Variants in CD5L observed in about 807,000 individuals in gnomAD.
The protein encoded by CD5L is CD5 molecule like, also known as CD5 antigen-like.
In CD5L, 39 loss-of-function variants were observed where a neutral mutation model predicts 40.8. That is an observed-to-expected ratio of 0.96 (90% CI 0.74 to 1.25). The LOEUF is 1.25. CD5L is among the 50% of genes most tolerant of loss of function. The pLI is 0.00. For missense variants in CD5L, 433 were observed against 435.9 expected (o/e 0.99, Z 0.06); for synonymous variants, 192 against 169.6 (o/e 1.13, Z -1.03).
intron 1 of CD5L, 39 bp downstream of exon 1, chr1:157,841,635 A>G (rs777960935): frequency 6.3e-7 from 1 of 1,598,778 alleles, no homozygotes; most frequent in Admixed American, 1.7e-5. Context: ...AGTGCCAGAA[A>G]ACTCTGAAGC....
chr1:157,835,445 G>C (rs1308719223), intron 3 of CD5L, among the ~76,000 whole-genome samples: 2 of 152,118 alleles, frequency 1.3e-5, no homozygotes, highest in East Asian at 1.9e-4. Flanking sequence ...ATAAACTCCT[G>C]GAAAACTGAA....
At chr1:157,836,194 A>T in intron 2 of CD5L, 39 bp from the exon 3 acceptor site, 1 of 1,557,728 alleles carries the variant, frequency 6.4e-7, no homozygotes, top group Non-Finnish European at 8.7e-7. Flanking sequence ...GCCTGAGAGG[A>T]GCTCAGAGGG....
At chr1:157,840,802 G>A (rs1047499007) in intron 1 of CD5L, among the ~76,000 whole-genome samples, 5 of 152,178 alleles carry the variant, frequency 3.3e-5, no homozygotes, top group Non-Finnish European at 7.3e-5. Context: ...ACATGAGCCT[G>A]GAAGACCCAG....
Position 157,831,489 on chromosome 1 carries a change from A to C in CD5L, c.*475T>G. Reference sequence around the variant, plus strand: ...CAAAAGAATTCTAAACTTTCCCCCAAGTTGCAAGAAATTGTCTACCCACAT... The same window carrying C: ...CAAAAGAATTCTAAACTTTCCCCCACGTTGCAAGAAATTGTCTACCCACAT... On this transcript the variant is annotated 3_prime_UTR_variant, in exon 6 of 6. Transcript: ENST00000368174. 1.0e-6 allele frequency: 1 copy of C among 986,570 alleles called. No individual in the cohort carries two copies. The highest frequency in any genetic ancestry group is 4.7e-5 in the South Asian group (1 of 21,290). 61.1% of individuals were successfully genotyped at this position (986,570 alleles called of 1,614,324 possible).
In CD5L at chr1:157,831,337, C is replaced by A; in HGVS notation, c.*627G>T. ...CATTTTTTACACGTCATGAAAAGGT[C>A]TAGGATTATAGGACGCTGCTCTGCT... is the stretch of plus-strand genomic sequence containing the variant. On this transcript the variant is annotated 3_prime_UTR_variant, in exon 6 of 6. Coordinates refer to ENST00000368174, the MANE Select transcript of CD5L (RefSeq NM_005894.3). The A allele has an allele frequency of 1.0e-6, 1 of 985,076 alleles. No individual in the cohort carries two copies. Among genetic ancestry groups the A allele is most frequent in the Non-Finnish European group, 1.2e-6 (1 of 829,894 alleles). 61.0% of individuals were successfully genotyped at this position (985,076 alleles called of 1,614,324 possible).
At chr1:157,827,423 G>A (rs994804891), downstream of CD5L, among the ~76,000 whole-genome samples, 1 of 152,072 alleles carries the variant, frequency 6.6e-6, no homozygotes, top group African/African-American at 2.4e-5. Flanking sequence ...TATGTCTGAT[G>A]GCCTGAGAAC....
chr1:157,836,836 CAG>C (rs1466591008), intron 2 of CD5L, among the ~76,000 whole-genome samples: 1 of 152,182 alleles, frequency 6.6e-6, no homozygotes, highest in African/African-American at 2.4e-5. Flanking sequence ...GTCAGAGTCT[CAG>C]AGCCCCAAGA....
Position 157,834,508 on chromosome 1 carries a change from A to T in CD5L, c.617T>A (p.Met206Lys). ...GGTTGCTTCTCGTCCTGAGCATGACATCTGGCTCAGCCAGATGGGTTTTCG... is the reference window on the plus strand; with the variant it reads ...GGTTGCTTCTCGTCCTGAGCATGACTTCTGGCTCAGCCAGATGGGTTTTCG... ...YGRKPIWLSQ[M>K]SCSGREATLQ... Residue 206 changes from methionine (M) to lysine (K), a missense_variant, in exon 4 of 6, where the codon ATG becomes AAG. Coordinates refer to ENST00000368174, the MANE Select transcript of CD5L (RefSeq NM_005894.3). 1 of 1,614,228 alleles carries T rather than the reference A, an allele frequency of 6.2e-7. No individual in the cohort carries two copies. Among genetic ancestry groups the T allele is most frequent in the Non-Finnish European group, 8.5e-7 (1 of 1,180,046 alleles).
Position 157,833,488 on chromosome 1 carries a change from C to T in CD5L, c.743G>A (p.Gly248Glu), listed in dbSNP as rs771840427. ...CEDPFDLRLV[G>E]GDNLCSGRLE... ...TCGCCCAGAGCAGAGGTTGTCTCCT[C>T]CTACTAGTCTCAAGTCAAAGGGATC... Residue 248 changes from glycine to glutamate, a missense_variant, in exon 5 of 6, where the codon GGA becomes GAA. Physicochemically the swap from Gly to Glu is moderately conservative, Grantham distance 98 (BLOSUM62 -2). Coordinates refer to ENST00000368174, the MANE Select transcript of CD5L (RefSeq NM_005894.3). The T allele has an allele frequency of 8.7e-6, 14 of 1,612,446 alleles. No individual in the cohort carries two copies. Among genetic ancestry groups the T allele is most frequent in the Non-Finnish European group, 1.1e-5 (13 of 1,178,796 alleles).
chr1:157,836,001 G>A lies in CD5L; in HGVS notation c.210C>T (p.Ala70=). 1 of 1,614,142 alleles carries A rather than the reference G, an allele frequency of 6.2e-7. No homozygotes were observed. Among genetic ancestry groups the A allele is most frequent in the Non-Finnish European group, 8.5e-7 (1 of 1,180,016 alleles). The change falls in exon 3 of 6, where the codon GCC becomes GCT. Residue 70 remains alanine, a synonymous_variant. Coordinates refer to ENST00000368174, the MANE Select transcript of CD5L (RefSeq NM_005894.3). The part of the protein sequence containing the change: ...VLCRELGCGA[A]SGTPSGILYE... ...ACAAAATACCACTAGGGGTTCCGCT[G>A]GCAGCTCCACAGCCCAGCTCCCGGC...
intron 1 of CD5L, among the ~76,000 whole-genome samples, chr1:157,839,863 G>A (rs569390440): frequency 3.9e-5 from 6 of 152,248 alleles, no homozygotes; most frequent in Middle Eastern, 3.4e-3. Flanking sequence ...TGTGTTCATC[G>A]GCACAGCATT....
intron 2 of CD5L, among the ~76,000 whole-genome samples, chr1:157,838,023 G>T (rs989510472): frequency 6.6e-6 from 1 of 151,934 alleles, no homozygotes; most frequent in Non-Finnish European, 1.5e-5. Context: ...TGACCTGCCC[G>T]CCTTCGCCTC....
At chr1:157,835,513 C>T (rs964107781) in intron 3 of CD5L, among the ~76,000 whole-genome samples, 2 of 152,190 alleles carry the variant, frequency 1.3e-5, no homozygotes, top group African/African-American at 4.8e-5. Flanking sequence ...CCCCATAACT[C>T]CATGCCCAGC....
downstream of CD5L, among the ~76,000 whole-genome samples, chr1:157,830,086 A>T (rs1425427042): frequency 6.6e-6 from 1 of 152,190 alleles, no homozygotes; most frequent in Admixed American, 6.5e-5. Flanking sequence ...GCTACAATGG[A>T]ACTGCGGGTT....
rs187820873 is a variant in CD5L, at chr1:157,833,987, T to A, written c.718+420A>T. On this transcript the variant is annotated intron_variant, in intron 4 of 5. Coordinates refer to ENST00000368174, the MANE Select transcript of CD5L (RefSeq NM_005894.3). ...CCACATGTATTTCTGTGATTAGAGCTCCTTCTGTAGCTCTCCATCATGTTC... is the reference window on the plus strand; with the variant it reads ...CCACATGTATTTCTGTGATTAGAGCACCTTCTGTAGCTCTCCATCATGTTC... 7.0e-4 allele frequency among the ~76,000 whole-genome samples: 107 copies of A among 152,220 alleles called. 1 individual carries two copies. Among genetic ancestry groups the A allele is most frequent in the Non-Finnish European group, 1.2e-3 (84 of 68,016 alleles).
At chr1:157,835,227 G>C (rs1330594891) in intron 3 of CD5L, among the ~76,000 whole-genome samples, 1 of 152,158 alleles carries the variant, frequency 6.6e-6, no homozygotes, top group Non-Finnish European at 1.5e-5. Flanking sequence ...TCTGTGGGCA[G>C]ACAAAGAGGA....
Position 157,833,185 on chromosome 1 carries a change from G to A in CD5L, c.1039+7C>T, listed in dbSNP as rs776639294. 7.5e-6 allele frequency: 12 copies of A among 1,604,486 alleles called. No homozygotes were observed. Among genetic ancestry groups the A allele is most frequent in the Non-Finnish European group, 7.7e-6 (9 of 1,172,812 alleles). On this transcript the variant is annotated splice_region_variant and intron_variant, in intron 5 of 5. Transcript: ENST00000368174. ...CAGCCCTTATGAACTCCATCTGTAGGACTCACCTGAGCAGATGACAGCCAC... is the reference window on the plus strand; with the variant it reads ...CAGCCCTTATGAACTCCATCTGTAGAACTCACCTGAGCAGATGACAGCCAC...
intron 4 of CD5L, among the ~76,000 whole-genome samples, chr1:157,834,062 C>T (rs1656124421): frequency 6.6e-6 from 1 of 152,042 alleles, no homozygotes; most frequent in Admixed American, 6.5e-5. Flanking sequence ...TTTTCACTTC[C>T]CCGTCTATTT....
chr1:157,834,724 A>G lies in CD5L; in HGVS notation c.401T>C (p.Val134Ala). Residue 134 changes from valine to alanine, a missense_variant, in exon 4 of 6, where the codon GTC (valine) becomes GCC (alanine). Coordinates refer to ENST00000368174, the MANE Select transcript of CD5L (RefSeq NM_005894.3). Reference sequence around the variant, plus strand: ...GTCAGCCAGCCTGACACCCTCTGGGACTGGGGAGAAAGAGCTCTCTGGGTC... The same window carrying G: ...GTCAGCCAGCCTGACACCCTCTGGGGCTGGGGAGAAAGAGCTCTCTGGGTC... ...CENPESSFSP[V>A]PEGVRLADGP... 6.2e-7 allele frequency: 1 copy of G among 1,613,708 alleles called. No homozygotes were observed. Among genetic ancestry groups the G allele is most frequent in the Non-Finnish European group, 8.5e-7 (1 of 1,179,658 alleles).
Sources: gnomAD v4.1 joint callset for allele counts (sites outside exome capture counted in the v4.1 genomes callset) on GRCh38, gnomAD v4.1.1 for gene constraint, MANE v1.5 for transcripts, NCBI Gene and HGNC (gene_info 2026-07-23, HGNC 2026-07-21) for gene names.